Variants in PXDNL observed in about 807,000 individuals in gnomAD.
PXDNL encodes the protein probable oxidoreductase PXDNL.
A neutral mutation model predicts 150.8 loss-of-function variants in PXDNL; 145 were observed. The ratio of observed to expected loss-of-function variants is 0.96; its 90% CI spans 0.84 to 1.10. PXDNL has a LOEUF of 1.10. Ranked by LOEUF, PXDNL falls within the 50% of genes least tolerant of loss-of-function variation. The pLI, the probability that PXDNL is intolerant of heterozygous loss-of-function variation, is 0.00. For missense variants in PXDNL, 2,087 were observed against 1,873.9 expected, an observed-to-expected ratio of 1.11 and a Z score of -2.10; for synonymous variants, 757 against 725.7, an observed-to-expected ratio of 1.04 and a Z score of -0.69.
rs552077209 is a variant in PXDNL at position 51,628,711 on chromosome 8, C to A, written c.236+25978G>T. The stretch of plus-strand genomic sequence containing the variant: ...AGCCACCACACCCGGCCTCTGTTTT[C>A]TTGTTTTTATTTTTCATTTTGATTC... On this transcript the variant is annotated intron_variant, in intron 2 of 22. Coordinates refer to ENST00000356297, the MANE Select transcript of PXDNL (RefSeq NM_144651.5). Among the ~76,000 whole-genome samples, 143 of 151,832 alleles carry A rather than the reference C, an allele frequency of 9.4e-4. No homozygotes were observed. In the South Asian group the frequency reaches 0.013, roughly 14 times the overall value.
intron 3 of PXDNL, among the ~76,000 whole-genome samples, chr8:51,558,467 T>G (rs1437211437): frequency 1.3e-5 from 2 of 152,084 alleles, no homozygotes; most frequent in Non-Finnish European, 2.9e-5. Flanking sequence ...AAGGGTGTCA[T>G]GTCTTGAGCA....
chr8:51,425,682 G>A (rs1390366783), intron 13 of PXDNL, among the ~76,000 whole-genome samples: 3 of 152,096 alleles, frequency 2.0e-5, no homozygotes, highest in South Asian at 2.1e-4. Flanking sequence ...TTAGTCGGGC[G>A]TGGTGGCGGG....
At position 51,504,139 on chromosome 8, in the gene PXDNL, T is replaced by C. The variant is rs895371790; in HGVS notation, c.381-4369A>G. 3.1e-4 allele frequency among the ~76,000 whole-genome samples: 47 copies of C among 152,190 alleles called. 1 individual carries two copies. Among genetic ancestry groups the C allele is most frequent in the Admixed American group, 3.1e-3 (47 of 15,278 alleles). On this transcript the variant is annotated intron_variant, in intron 4 of 22. Coordinates refer to ENST00000356297, the MANE Select transcript of PXDNL (RefSeq NM_144651.5). ...AATATCTCTTGAATGTATTCCATTCTCCTCTTACCCACTACTTCCACACTA... is the reference window on the plus strand; with the variant it reads ...AATATCTCTTGAATGTATTCCATTCCCCTCTTACCCACTACTTCCACACTA...
chr8:51,574,961 C>T (rs901891089), intron 3 of PXDNL, among the ~76,000 whole-genome samples: 2 of 151,856 alleles, frequency 1.3e-5, no homozygotes, highest in East Asian at 1.9e-4. Context: ...TATGAGGCGT[C>T]GAGAAGAAAG....
chr8:51,510,957 G>C (rs1053099116), intron 4 of PXDNL, among the ~76,000 whole-genome samples: 2 of 152,176 alleles, frequency 1.3e-5, no homozygotes, highest in African/African-American at 2.4e-5. Flanking sequence ...TTCAGTCAAA[G>C]GTGGTACAAT....
At chr8:51,409,692 C>A in intron 16 of PXDNL, 131 bp from the exon 17 acceptor site, 1 of 629,672 alleles carries the variant, frequency 1.6e-6, no homozygotes, top group Non-Finnish European at 2.6e-6. Context: ...TTCTTACTTC[C>A]AAAAACATTT....
At chr8:51,726,475 G>A (rs536831300) in intron 1 of PXDNL, among the ~76,000 whole-genome samples, 14 of 152,292 alleles carry the variant, frequency 9.2e-5, no homozygotes, top group African/African-American at 2.9e-4. Flanking sequence ...CACAGAAACC[G>A]CCTGGGACCA....
intron 12 of PXDNL, among the ~76,000 whole-genome samples, chr8:51,440,438 A>C (rs1018067151): frequency 2.2e-5 from 2 of 91,726 alleles, no homozygotes; most frequent in African/African-American, 7.8e-5. Flanking sequence ...AATTTAAAAA[A>C]ATCCATTGAA....
chr8:51,360,209 A>G (rs1419060722), intron 19 of PXDNL, among the ~76,000 whole-genome samples: 5 of 152,208 alleles, frequency 3.3e-5, no homozygotes, highest in Non-Finnish European at 7.3e-5. Flanking sequence ...ACACATATAA[A>G]CATACCCATA....
rs998891541 is a variant in PXDNL, at chr8:51,504,811, C to T, written c.381-5041G>A. Among the ~76,000 whole-genome samples, 8 of 152,248 alleles carry T rather than the reference C, an allele frequency of 5.3e-5. No individual in the cohort carries two copies. In the South Asian group the frequency reaches 6.2e-4, roughly 12 times the overall value. ...TTTGCATGAGCATTGTCTTTGCAAA[C>T]GTGAGGATAAGACATTGAACTTTTC... On this transcript the variant is annotated intron_variant, in intron 4 of 22. Transcript: ENST00000356297.
intron 17 of PXDNL, among the ~76,000 whole-genome samples, chr8:51,395,493 A>T (rs934556310): frequency 3.3e-5 from 5 of 152,242 alleles, no homozygotes; most frequent in African/African-American, 4.8e-5. Context: ...AAATATTTTT[A>T]AAAAATGGTT....
intron 17 of PXDNL, among the ~76,000 whole-genome samples, chr8:51,406,811 C>T (rs1287676237): frequency 6.6e-6 from 1 of 152,194 alleles, no homozygotes; most frequent in Non-Finnish European, 1.5e-5. Context: ...TCAGGCTTTC[C>T]CTGGTGGATG....
chr8:51,386,154 G>A (rs771023669), intron 17 of PXDNL, among the ~76,000 whole-genome samples: 9 of 151,642 alleles, frequency 5.9e-5, no homozygotes, highest in East Asian at 3.9e-4. Context: ...GTGCAGTGGC[G>A]TGATCTCAGC....
At chr8:51,769,934 T>G (rs902736435) in intron 1 of PXDNL, among the ~76,000 whole-genome samples, 1 of 152,190 alleles carries the variant, frequency 6.6e-6, no homozygotes, top group African/African-American at 2.4e-5. Flanking sequence ...CCTGAGTGAA[T>G]GTCCAATGGG....
rs769289293 is a variant in PXDNL, at chr8:51,408,679, G to A, written c.2945C>T (p.Ala982Val). ...GGGGTTCAGGGCGGACAGCTCCGTG[G>A]CCATCCTGTTGTGTTCCCGGAACCA... Reference protein sequence around the residue: ...TLWFREHNRMATELSALNPHW... With the variant: ...TLWFREHNRMVTELSALNPHW... Residue 982 changes from alanine to valine, a missense_variant, in exon 17 of 23, where the codon GCC becomes GTC. Physicochemically the swap from Ala to Val is moderately conservative, Grantham distance 64. Transcript: ENST00000356297. The A allele has an allele frequency of 6.2e-7, 1 of 1,600,056 alleles. No individual in the cohort carries two copies. Among genetic ancestry groups the A allele is most frequent in the South Asian group, 1.1e-5 (1 of 89,066 alleles).
chr8:51,692,813 C>T (rs1254706531), intron 1 of PXDNL, among the ~76,000 whole-genome samples: 1 of 152,206 alleles, frequency 6.6e-6, no homozygotes, highest in Non-Finnish European at 1.5e-5. Context: ...CTTTAACAAA[C>T]AAGTAAAAGT....
At chr8:51,805,845 G>T (rs1227129053) in intron 1 of PXDNL, among the ~76,000 whole-genome samples, 1 of 152,122 alleles carries the variant, frequency 6.6e-6, no homozygotes, top group East Asian at 1.9e-4. Context: ...AGGAAATTAG[G>T]AAAGTACAAC....
intron 1 of PXDNL, among the ~76,000 whole-genome samples, chr8:51,677,807 T>G (rs7839661): frequency 0.64 from 97,086 of 152,108 alleles, 33,531 homozygotes; most frequent in East Asian, 0.85. Context: ...ACTAATTTAT[T>G]TATCATTCCA....
intron 1 of PXDNL, among the ~76,000 whole-genome samples, chr8:51,744,115 A>G (rs35847043): frequency 0.091 from 9,980 of 110,156 alleles, 1,593 homozygotes; most frequent in Non-Finnish European, 0.1. Flanking sequence ...AGAAAGAAAG[A>G]AAGAAAGGAA....
Sources: allele counts gnomAD v4.1 joint callset (sites outside exome capture counted in the v4.1 genomes callset), GRCh38; gene constraint gnomAD v4.1.1; transcripts MANE v1.5; gene names NCBI Gene and HGNC (gene_info 2026-07-23, HGNC 2026-07-21).